The following SLC16A9 variants were observed in gnomAD, a reference collection of about 807,000 sequenced individuals.
SLC16A9 encodes the protein monocarboxylate transporter 9.
Under a neutral mutation model 44.3 loss-of-function variants are expected in SLC16A9, and 26 were observed. That is an observed-to-expected ratio of 0.59 (90% confidence interval 0.43 to 0.81). The LOEUF (loss-of-function observed/expected upper bound fraction) is 0.81. Among genes scored for constraint, SLC16A9 ranks in the 40% least tolerant of loss-of-function variants. The pLI is 0.00. For synonymous variants in SLC16A9, 230 were observed against 225.1 expected (o/e 1.02, Z -0.19); for missense variants, 559 against 595.8 (o/e 0.94, Z 0.64).
chr10:59,680,014 C>G (rs1391521033), intron 2 of SLC16A9, among the ~76,000 whole-genome samples: 1 of 152,052 alleles, frequency 6.6e-6, no homozygotes, highest in Non-Finnish European at 1.5e-5. Context: ...TCTGTCTCTT[C>G]CCTGAGACTA....
intron 4 of SLC16A9, among the ~76,000 whole-genome samples, chr10:59,661,552 C>T (rs1298971437): frequency 2.0e-5 from 3 of 152,112 alleles, no homozygotes; most frequent in African/African-American, 2.4e-5. Context: ...GAATCAATAT[C>T]GTGAAAATGG....
intron 4 of SLC16A9, among the ~76,000 whole-genome samples, chr10:59,659,157 A>G (rs1461380567): frequency 2.0e-5 from 3 of 152,206 alleles, no homozygotes; most frequent in Admixed American, 1.3e-4. Context: ...TTTAAAAATT[A>G]TATTTTATAT....
At chr10:59,662,310 A>C (rs918033632) in intron 4 of SLC16A9, among the ~76,000 whole-genome samples, 4 of 151,924 alleles carry the variant, frequency 2.6e-5, no homozygotes, top group Admixed American at 2.0e-4. Flanking sequence ...ACCCATCAAA[A>C]AGTGGTGAAG....
chr10:59,651,763 GCA>G lies in SLC16A9; in HGVS notation c.*1007_*1008del, dbSNP rs143114077. The G allele has an allele frequency of 8.5e-4, 127 of 150,014 alleles. 1 individual carries two copies. The highest frequency in any genetic ancestry group is 8.5e-4 in the South Asian group (4 of 4,726). 9.3% of individuals were successfully genotyped at this position (150,014 alleles called of 1,614,324 possible). ...CCCATGCAGACTTAGAGCATGCATA[GCA>G]CACACACACACACACACACACACTC... On this transcript the variant is annotated 3_prime_UTR_variant, in exon 6 of 6. Transcript: ENST00000395348.
intron 1 of SLC16A9, among the ~76,000 whole-genome samples, chr10:59,684,838 G>A (rs368203058): frequency 6.6e-6 from 1 of 152,206 alleles, no homozygotes; most frequent in South Asian, 2.1e-4. Flanking sequence ...GCTGAGCTGG[G>A]TGCTGGGAGC....
intron 3 of SLC16A9, among the ~76,000 whole-genome samples, chr10:59,670,159 A>G (rs936803223): frequency 4.6e-5 from 7 of 152,196 alleles, no homozygotes; most frequent in African/African-American, 1.7e-4. Flanking sequence ...CTACTGCTGT[A>G]TGGGTCAGAA....
At chr10:59,705,891 T>C (rs1352487823) in intron 1 of SLC16A9, among the ~76,000 whole-genome samples, 1 of 152,228 alleles carries the variant, frequency 6.6e-6, no homozygotes, top group South Asian at 2.1e-4. Context: ...TTTCTTAGCA[T>C]GACATGTCAT....
chr10:59,701,348 G>A (rs1389680495), intron 1 of SLC16A9, among the ~76,000 whole-genome samples: 1 of 152,184 alleles, frequency 6.6e-6, no homozygotes, highest in South Asian at 2.1e-4. Flanking sequence ...CATCTGCCGA[G>A]CTGCTCCCAG....
chr10:59,676,983 A>G (rs1839873340), intron 2 of SLC16A9, among the ~76,000 whole-genome samples: 1 of 136,168 alleles, frequency 7.3e-6, no homozygotes, highest in African/African-American at 2.5e-5. Flanking sequence ...TTAGAGAAGA[A>G]GAAATGTTTA....
intron 5 of SLC16A9, 71 bp from the exon 6 acceptor site, chr10:59,653,021 T>C: frequency 8.5e-7 from 1 of 1,178,472 alleles, no homozygotes; most frequent in Non-Finnish European, 1.2e-6. Flanking sequence ...ACCCTAATTA[T>C]ATCAGTTTTA....
intron 1 of SLC16A9, among the ~76,000 whole-genome samples, chr10:59,701,587 A>G (rs1840524700): frequency 6.6e-6 from 1 of 152,226 alleles, no homozygotes; most frequent in Non-Finnish European, 1.5e-5. Flanking sequence ...TTATAAACAA[A>G]AATGAAAGCA....
At chr10:59,696,932 TG>T (rs369490672) in intron 1 of SLC16A9, among the ~76,000 whole-genome samples, 119,920 of 125,886 alleles carry the variant, frequency 0.95, 57,413 homozygotes, top group Non-Finnish European at 0.99. Flanking sequence ...GGGAGGGAGG[TG>T]GGGGGTCAGC....
chr10:59,706,650 C>CACACACACACACAT (rs1426503455), intron 1 of SLC16A9, among the ~76,000 whole-genome samples: 193 of 152,080 alleles, frequency 1.3e-3, no homozygotes, highest in African/African-American at 4.3e-3. Flanking sequence ...CACACACACA[C>CACACACACACACAT]ACAATAGGAG....
At chr10:59,686,033 A>C (rs1840126109) in intron 1 of SLC16A9, among the ~76,000 whole-genome samples, 2 of 149,192 alleles carry the variant, frequency 1.3e-5, no homozygotes. Context: ...GCTGGAGTGC[A>C]GTGGCGCAAT....
rs1293467283 is a variant in SLC16A9, at chr10:59,651,794, T to C, written c.*978A>G. 1 of 142,848 alleles carries C rather than the reference T, an allele frequency of 7.0e-6. No homozygotes were observed. The highest frequency in any genetic ancestry group is 2.6e-5 in the African/African-American group (1 of 38,834). 8.8% of individuals were successfully genotyped at this position (142,848 alleles called of 1,614,324 possible). ...ACACACACACACACACACACTCACG[T>C]TTAATTCTGCCCTTGAATTATATTT... On this transcript the variant is annotated 3_prime_UTR_variant, in exon 6 of 6. Transcript: ENST00000395348.
At chr10:59,653,147 C>T (rs558859940) in intron 5 of SLC16A9, among the ~76,000 whole-genome samples, 197 bp from the exon 6 acceptor site, 1 of 152,024 alleles carries the variant, frequency 6.6e-6, no homozygotes, top group African/African-American at 2.4e-5. Context: ...AGGCTGGGTG[C>T]GGTGGCTCAC....
At position 59,654,159 on chromosome 10, in the gene SLC16A9, T is replaced by A. The variant is rs927981985; in HGVS notation, c.867A>T (p.Leu289Phe). 9 of 1,614,136 alleles carry A rather than the reference T, an allele frequency of 5.6e-6. No individual in the cohort carries two copies. Among genetic ancestry groups the A allele is most frequent in the Non-Finnish European group, 7.6e-6 (9 of 1,180,010 alleles). ...CKQLAKRKWQ[L>F]YKNYCGETVA... ...CAGTTTCACCACAGTAGTTTTTATA[T>A]AACTGCCACTTCCTCTTGGCAAGCT... The change falls in exon 5 of 6, where the codon TTA (leucine) becomes TTT (phenylalanine). Residue 289 changes from leucine to phenylalanine, a missense_variant. By Grantham distance (22) the Leu-to-Phe change is conservative (BLOSUM62 0). Coordinates refer to ENST00000395348, the MANE Select transcript of SLC16A9 (RefSeq NM_194298.3).
At chr10:59,669,769 G>A (rs11006681) in intron 3 of SLC16A9, among the ~76,000 whole-genome samples, 18,331 of 151,992 alleles carry the variant, frequency 0.12, 1,322 homozygotes, top group Non-Finnish European at 0.16. Context: ...CCCATGAGGC[G>A]GAGGTTGCAG....
At chr10:59,698,118 T>C (rs1244873576) in intron 1 of SLC16A9, among the ~76,000 whole-genome samples, 1 of 152,200 alleles carries the variant, frequency 6.6e-6, no homozygotes, top group Non-Finnish European at 1.5e-5. Context: ...TAGTTACTGG[T>C]TACCCCAGAA....
Sources: allele counts gnomAD v4.1 joint callset (sites outside exome capture counted in the v4.1 genomes callset), GRCh38; gene constraint gnomAD v4.1.1; transcripts MANE v1.5; gene names NCBI Gene and HGNC (gene_info 2026-07-23, HGNC 2026-07-21).